The following CCDC163 variants were observed in gnomAD, a reference collection of about 807,000 sequenced individuals.
CCDC163 encodes the protein transmembrane protein CCDC163.
A neutral mutation model predicts 8.2 loss-of-function variants in CCDC163; 13 were observed. That is an observed-to-expected ratio of 1.59 (90% CI 1.04 to 2.54). CCDC163 has a LOEUF of 2.54. CCDC163 is among the 30% of genes most tolerant of loss of function. The pLI, the probability that CCDC163 is intolerant of heterozygous loss-of-function variation, is 0.00. For missense variants in CCDC163, 117 were observed against 78.6 expected (o/e 1.49, Z -1.85); for synonymous variants, 41 against 30.9 (o/e 1.33, Z -1.08).
chr1:45,498,394 C>CAAAAAAAAAAAA (rs779532347), intron 2 of CCDC163: 3 of 104,292 alleles, frequency 2.9e-5, no homozygotes, highest in East Asian at 2.7e-4. Flanking sequence ...AAAACAAACC[C>CAAAAAAAAAAAA]AAAAAAAAAA....
chr1:45,499,895 C>T lies in CCDC163; in HGVS notation c.-286G>A. The T allele has an allele frequency of 2.0e-6, 1 of 509,056 alleles. No individual in the cohort carries two copies. Among genetic ancestry groups the T allele is most frequent in the South Asian group, 2.1e-5 (1 of 48,300 alleles). The allele number at this position is 509,056 out of a possible 1,614,324, so 31.5% of individuals were successfully genotyped here. On this transcript the variant is annotated 5_prime_UTR_variant, in exon 1 of 5. Coordinates refer to ENST00000629482, the MANE Select transcript of CCDC163 (RefSeq NM_001102601.3). ...AGGTGCCAGAACCTGGTTGAGACCT[C>T]CCCAGAAGTAGTACACTGGCGCCAC...
At chr1:45,498,347 C>T (rs1643421974) in intron 2 of CCDC163, 1 of 152,658 alleles carries the variant, frequency 6.6e-6, no homozygotes, top group South Asian at 2.1e-4. Context: ...GCCAAATCCC[C>T]CTCTGTGAGA....
intron 3 of CCDC163, 60 bp downstream of exon 3, chr1:45,497,239 T>C: frequency 1.4e-6 from 1 of 724,740 alleles, no homozygotes. Flanking sequence ...AAGAAGAAGA[T>C]GACTTTCCAG....
At position 45,499,761 on chromosome 1, in the gene CCDC163, T is replaced by C. The variant is rs553802345; in HGVS notation, c.-152A>G. 2 of 617,674 alleles carry C rather than the reference T, an allele frequency of 3.2e-6. No homozygotes were observed. Among genetic ancestry groups the C allele is most frequent in the African/African-American group, 3.7e-5 (2 of 53,994 alleles). 38.3% of individuals were successfully genotyped at this position (617,674 alleles called of 1,614,324 possible). On this transcript the variant is annotated 5_prime_UTR_variant, in exon 1 of 5. The change creates a new upstream start codon in the 5' untranslated region. Transcript: ENST00000629482. Reference sequence around the variant, plus strand: ...GCAACACTGGGGTAGGTGGATGCACTATCAGACCAAAACTGCGATCCTGTG... The same window carrying C: ...GCAACACTGGGGTAGGTGGATGCACCATCAGACCAAAACTGCGATCCTGTG...
At chr1:45,495,718 G>A (rs1271096937) in intron 4 of CCDC163, among the ~76,000 whole-genome samples, 1 of 142,998 alleles carries the variant, frequency 7.0e-6, no homozygotes, top group Admixed American at 7.2e-5. Flanking sequence ...CCAAGCTGGA[G>A]TGCAACGGCA....
chr1:45,497,066 A>G (rs1654217877), intron 3 of CCDC163, among the ~76,000 whole-genome samples: 1 of 152,118 alleles, frequency 6.6e-6, no homozygotes. Context: ...CCAGCTACTC[A>G]GGAGGCTGAG....
At chr1:45,496,051 A>G (rs993683217) in intron 4 of CCDC163, among the ~76,000 whole-genome samples, 2 of 152,130 alleles carry the variant, frequency 1.3e-5, no homozygotes, top group South Asian at 4.1e-4. Flanking sequence ...CAACCCAGAT[A>G]CTCATACTAC....
intron 2 of CCDC163, chr1:45,498,312 C>G (rs1242771190): frequency 6.1e-6 from 1 of 163,424 alleles, no homozygotes; most frequent in Non-Finnish European, 1.3e-5. Flanking sequence ...TGCTGACCTT[C>G]CCTCCACTAT....
Position 45,497,333 on chromosome 1 carries a change from C to T in CCDC163, c.228G>A (p.Met76Ile), listed in dbSNP as rs1654248649. The stretch of plus-strand genomic sequence containing the variant: ...ACTGCAGCAACTTCAATTCCTTCTG[C>T]ATAATCTCTGACTCCTCCCACAGCA... ...PAVLWEESEIMQKELKLLQYQ... is the reference protein window; with the variant it reads ...PAVLWEESEIIQKELKLLQYQ... The change falls in exon 3 of 5, where the codon ATG (methionine) becomes ATA (isoleucine). Residue 76 changes from methionine (M) to isoleucine (I), a missense_variant. Transcript: ENST00000629482. 5.1e-6 allele frequency: 4 copies of T among 780,246 alleles called. No individual in the cohort carries two copies. The highest frequency in any genetic ancestry group is 9.6e-6 in the Non-Finnish European group (4 of 417,572). 48.3% of individuals were successfully genotyped at this position (780,246 alleles called of 1,614,324 possible).
chr1:45,494,731 C>T lies in CCDC163; in HGVS notation c.*328G>A. 3.3e-6 allele frequency: 1 copy of T among 298,618 alleles called. No individual in the cohort carries two copies. The highest frequency in any genetic ancestry group is 3.8e-5 in the South Asian group (1 of 26,120). 18.5% of individuals were successfully genotyped at this position (298,618 alleles called of 1,614,324 possible). ...CAGCACTTTGGGAGGGCGAGGCGGG[C>T]AGATCACTTGAGGTCAGAAGTTCAA... On this transcript the variant is annotated 3_prime_UTR_variant, in exon 5 of 5. Transcript: ENST00000629482.
chr1:45,496,119 G>A, intron 4 of CCDC163: 1 of 292,164 alleles, frequency 3.4e-6, no homozygotes. Context: ...TGCCCGACCT[G>A]TGAGACAATT....
At chr1:45,496,382 G>A (rs1354567087) in intron 4 of CCDC163, 174 bp downstream of exon 4, 2 of 695,176 alleles carry the variant, frequency 2.9e-6, no homozygotes, top group Admixed American at 2.0e-5. Context: ...ATGGCCGGGA[G>A]CAGAAAGGTT....
chr1:45,497,862 C>G (rs1478851520), intron 2 of CCDC163, among the ~76,000 whole-genome samples: 4 of 147,136 alleles, frequency 2.7e-5, no homozygotes, highest in African/African-American at 7.6e-5. Context: ...GCCCGGCCAC[C>G]ACCCCGTCTG....
At chr1:45,497,621 G>A (rs1370658387) in intron 2 of CCDC163, among the ~76,000 whole-genome samples, 44 of 113,996 alleles carry the variant, frequency 3.9e-4, no homozygotes, top group African/African-American at 5.6e-4. Context: ...CCAAAGTGCC[G>A]AGACTGCAGC....
chr1:45,497,268 G>T, intron 3 of CCDC163, 31 bp downstream of exon 3: 3 of 768,858 alleles, frequency 3.9e-6, no homozygotes, highest in Non-Finnish European at 7.3e-6. Flanking sequence ...ACAAGGAAAC[G>T]CATATTCGCC....
At chr1:45,497,691 CGTCCGGGAGGGAGGTGGAGGGGGTCA>C (rs1643363597) in intron 2 of CCDC163, among the ~76,000 whole-genome samples, 1 of 8,404 alleles carries the variant, frequency 1.2e-4, no homozygotes, top group Non-Finnish European at 2.5e-4. Flanking sequence ...GCAGCCACCC[CGTCCGGGAGGGAGGTGGAGGGGGTCA>C]GCCCCCCGCC....
rs193102809 is a variant in CCDC163, at chr1:45,496,302, C to T, written c.330+254G>A. 1.5e-4 allele frequency: 87 copies of T among 562,270 alleles called. 3 individuals are homozygous for T. The highest frequency in any genetic ancestry group is 1.4e-3 in the African/African-American group (77 of 53,458). The allele number at this position is 562,270 out of a possible 1,614,324, so 34.8% of individuals were successfully genotyped here. On this transcript the variant is annotated intron_variant, in intron 4 of 4. Coordinates refer to ENST00000629482, the MANE Select transcript of CCDC163 (RefSeq NM_001102601.3). Reference sequence around the variant, plus strand: ...GGGCTCAGGTGGAACCAAACCTCTCCCTCTCTCCCTCCCCATGACTGTCCT... The same window carrying T: ...GGGCTCAGGTGGAACCAAACCTCTCTCTCTCTCCCTCCCCATGACTGTCCT...
intron 2 of CCDC163, among the ~76,000 whole-genome samples, chr1:45,498,213 A>G (rs1025766015): frequency 2.0e-5 from 3 of 151,796 alleles, no homozygotes; most frequent in Non-Finnish European, 4.4e-5. Context: ...ACCACTCCCT[A>G]ATCTCAAGTA....
Position 45,495,538 on chromosome 1 carries a change from T to C in CCDC163, c.331-372A>G, listed in dbSNP as rs985395157. 14 of 702,658 alleles carry C rather than the reference T, an allele frequency of 2.0e-5. 1 individual carries two copies. The Admixed American group carries it at 2.8e-4, about 14-fold the overall frequency. The allele number at this position is 702,658 out of a possible 1,614,324, so 43.5% of individuals were successfully genotyped here. A position where few individuals can be genotyped will look rare whatever the true frequency, so the allele number is the denominator to read the frequency against. On this transcript the variant is annotated intron_variant, in intron 4 of 4. Coordinates refer to ENST00000629482, the MANE Select transcript of CCDC163 (RefSeq NM_001102601.3). ...GGCAGCTTAGATTGGACAACATGAA[T>C]GGAGATCCTGGAAAGGGGAACAGAA...
Sources: allele counts gnomAD v4.1 joint callset (sites outside exome capture counted in the v4.1 genomes callset), GRCh38; gene constraint gnomAD v4.1.1; transcripts MANE v1.5; gene names NCBI Gene and HGNC (gene_info 2026-07-23, HGNC 2026-07-21).